LCLAT1: variants seen among roughly 807,000 people sequenced by gnomAD.
LCLAT1 encodes 1-AGP acyltransferase 8.
Under a neutral mutation model 30.7 loss-of-function variants are expected in LCLAT1, and 11 were observed. The observed-to-expected ratio is 0.36, with a 90% CI of 0.23 to 0.59. LCLAT1 has a LOEUF of 0.59. Ranked by LOEUF, LCLAT1 falls within the 20% of genes least tolerant of loss-of-function variation. The probability of loss-of-function intolerance (pLI) is 0.77; values close to 1 mark genes in which losing one functional copy is unlikely to be tolerated. For synonymous variants in LCLAT1, 155 were observed against 151.3 expected (o/e 1.02, Z -0.18); for missense variants, 402 against 458.6 (o/e 0.88, Z 1.13).
chr2:30,483,261 G>A lies in LCLAT1; in HGVS notation c.-5+35878G>A, dbSNP rs184259018. ...CCAGCACTTCAGGAGGCTGAGGTTGGGGGGATCACTTGAGCCCAGGAGTTC... is the reference window on the plus strand; with the variant it reads ...CCAGCACTTCAGGAGGCTGAGGTTGAGGGGATCACTTGAGCCCAGGAGTTC... On this transcript the variant is annotated intron_variant, in intron 1 of 5. Transcript: ENST00000379509. Among the ~76,000 whole-genome samples, 12 of 152,202 alleles carry A rather than the reference G, an allele frequency of 7.9e-5. No individual in the cohort carries two copies. In the South Asian group the frequency reaches 1.5e-3, roughly 18 times the overall value.
intron 1 of LCLAT1, among the ~76,000 whole-genome samples, chr2:30,447,980 TG>T (rs143479513): frequency 0.039 from 6,011 of 152,294 alleles, 402 homozygotes; most frequent in African/African-American, 0.14. Context: ...ATGCCAAACC[TG>T]ATCTTTAAGG....
intron 1 of LCLAT1, among the ~76,000 whole-genome samples, chr2:30,525,055 T>C (rs1685644069): frequency 6.6e-6 from 1 of 152,096 alleles, no homozygotes; most frequent in South Asian, 2.1e-4. Flanking sequence ...AAAAAAGGCT[T>C]CTTAAACTAG....
chr2:30,622,532 A>G (rs1668312450), intron 5 of LCLAT1, among the ~76,000 whole-genome samples: 1 of 152,130 alleles, frequency 6.6e-6, no homozygotes, highest in African/African-American at 2.4e-5. Flanking sequence ...AACTACAACC[A>G]AGGACCCTCA....
At chr2:30,513,133 G>T (rs1204753616) in intron 1 of LCLAT1, among the ~76,000 whole-genome samples, 2 of 151,730 alleles carry the variant, frequency 1.3e-5, no homozygotes. Flanking sequence ...GAAGGAAAAT[G>T]GTACTTTAAT....
chr2:30,466,063 G>A (rs907483885), intron 1 of LCLAT1, among the ~76,000 whole-genome samples: 1 of 151,550 alleles, frequency 6.6e-6, no homozygotes, highest in Non-Finnish European at 1.5e-5. Flanking sequence ...TTTTCAGTTT[G>A]CTGACAAACT....
chr2:30,641,147 G>A lies in LCLAT1; in HGVS notation c.*528G>A. 6.5e-6 allele frequency: 1 copy of A among 152,806 alleles called. No individual in the cohort carries two copies. Among genetic ancestry groups the A allele is most frequent in the Non-Finnish European group, 1.5e-5 (1 of 68,528 alleles). 9.5% of individuals were successfully genotyped at this position (152,806 alleles called of 1,614,324 possible). A position where few individuals can be genotyped will look rare whatever the true frequency, so the allele number is the denominator to read the frequency against. ...CAGAAAATGGAACCCCCTTTGTCGT[G>A]AAACCGATCAAGCATTTTGACAGGA... is the stretch of plus-strand genomic sequence containing the variant. On this transcript the variant is annotated 3_prime_UTR_variant, in exon 6 of 6. Coordinates refer to ENST00000379509, the MANE Select transcript of LCLAT1 (RefSeq NM_001002257.3).
intron 5 of LCLAT1, among the ~76,000 whole-genome samples, chr2:30,570,013 C>A (rs1436685495): frequency 6.6e-6 from 1 of 151,976 alleles, no homozygotes; most frequent in East Asian, 1.9e-4. Flanking sequence ...GTAACTTAGA[C>A]TCACCCTTCT....
intron 1 of LCLAT1, among the ~76,000 whole-genome samples, chr2:30,525,357 T>A (rs1222793328): frequency 6.6e-6 from 1 of 152,106 alleles, no homozygotes; most frequent in Non-Finnish European, 1.5e-5. Context: ...GATTGCAGCG[T>A]GAGTCGCCGC....
chr2:30,533,827 G>A (rs996014479), intron 3 of LCLAT1, among the ~76,000 whole-genome samples: 2 of 152,088 alleles, frequency 1.3e-5, no homozygotes, highest in Non-Finnish European at 2.9e-5. Flanking sequence ...AAAGTTCCTG[G>A]AAATGTTTAT....
At position 30,537,383 on chromosome 2, in the gene LCLAT1, G is replaced by A. The variant is rs905617132; in HGVS notation, c.364+4069G>A. 9.9e-5 allele frequency among the ~76,000 whole-genome samples: 14 copies of A among 141,232 alleles called. No individual in the cohort carries two copies. In the East Asian group the frequency reaches 2.1e-3, roughly 22 times the overall value. The allele number at this position is 141,232 out of a possible 152,430, so 92.7% of individuals were successfully genotyped here. A position where few individuals can be genotyped will look rare whatever the true frequency, so the allele number is the denominator to read the frequency against. ...GGCCTGGGCGACAGAGCGAGACTCC[G>A]TCTCAAAAAAAAAAAAAGATAGACT... On this transcript the variant is annotated intron_variant, in intron 3 of 5. Transcript: ENST00000379509.
At chr2:30,508,614 T>C (rs931204831) in intron 1 of LCLAT1, among the ~76,000 whole-genome samples, 1 of 152,132 alleles carries the variant, frequency 6.6e-6, no homozygotes, top group African/African-American at 2.4e-5. Flanking sequence ...GGTCTATGTG[T>C]CTGTTTTTGT....
intron 1 of LCLAT1, among the ~76,000 whole-genome samples, chr2:30,479,143 A>T (rs1477943376): frequency 1.3e-5 from 2 of 152,226 alleles, no homozygotes; most frequent in Non-Finnish European, 2.9e-5. Flanking sequence ...CAATTGTGGC[A>T]CTTACTTATT....
At chr2:30,639,746 A>G (rs1669209331) in intron 5 of LCLAT1, among the ~76,000 whole-genome samples, 1 of 152,196 alleles carries the variant, frequency 6.6e-6, no homozygotes, top group Non-Finnish European at 1.5e-5. Flanking sequence ...AGAGATGGCT[A>G]TATTAATAGG....
intron 1 of LCLAT1, among the ~76,000 whole-genome samples, chr2:30,468,912 C>G: frequency 6.6e-6 from 1 of 152,132 alleles, no homozygotes; most frequent in East Asian, 1.9e-4. Context: ...CTTACCAATG[C>G]TTGTTATTTT....
At chr2:30,596,466 C>A (rs928098127) in intron 5 of LCLAT1, among the ~76,000 whole-genome samples, 1 of 151,192 alleles carries the variant, frequency 6.6e-6, no homozygotes, top group African/African-American at 2.4e-5. Flanking sequence ...GTTCATGTCC[C>A]TTGCCCACTT....
chr2:30,457,587 A>G (rs963261643), intron 1 of LCLAT1, among the ~76,000 whole-genome samples: 4 of 152,024 alleles, frequency 2.6e-5, no homozygotes, highest in African/African-American at 7.2e-5. Context: ...TGTTAAGCAA[A>G]TTCATTTCAG....
chr2:30,566,889 A>G (rs1226129031), intron 4 of LCLAT1, among the ~76,000 whole-genome samples: 1 of 152,210 alleles, frequency 6.6e-6, no homozygotes, highest in Non-Finnish European at 1.5e-5. Context: ...CCGTAACTAT[A>G]TTCAGCCAAA....
chr2:30,492,798 G>T (rs1382903319), intron 1 of LCLAT1, among the ~76,000 whole-genome samples: 1 of 152,088 alleles, frequency 6.6e-6, no homozygotes, highest in African/African-American at 2.4e-5. Context: ...TTGGTTGGAA[G>T]AATTTTTATC....
Position 30,640,226 on chromosome 2 carries a change from C to A in LCLAT1, c.738C>A (p.His246Gln). The change falls in exon 6 of 6, where the codon CAC (histidine) becomes CAA (glutamine). Residue 246 changes from histidine to glutamine, a missense_variant. By Grantham distance (24) the His-to-Gln change is conservative. Coordinates refer to ENST00000379509, the MANE Select transcript of LCLAT1 (RefSeq NM_001002257.3). ...QGDFPREIHF[H>Q]VHRYPIDTLP... ...ACTTTCCCAGGGAAATCCACTTTCACGTCCACCGGTATCCAATAGACACCC... is the reference window on the plus strand; with the variant it reads ...ACTTTCCCAGGGAAATCCACTTTCAAGTCCACCGGTATCCAATAGACACCC... The A allele has an allele frequency of 6.2e-7, 1 of 1,614,052 alleles. No individual in the cohort carries two copies. The highest frequency in any genetic ancestry group is 1.1e-5 in the South Asian group (1 of 91,070).
Sources: allele counts gnomAD v4.1 joint callset (sites outside exome capture counted in the v4.1 genomes callset), GRCh38; gene constraint gnomAD v4.1.1; transcripts MANE v1.5; gene names NCBI Gene and HGNC (gene_info 2026-07-23, HGNC 2026-07-21).